The following ZNF512 variants were observed in gnomAD, a reference collection of about 807,000 sequenced individuals.
The protein encoded by ZNF512 is zinc finger protein 512.
Under a neutral mutation model 77.5 loss-of-function variants are expected in ZNF512, and 25 were observed. The observed-to-expected ratio is 0.32, with a 90% CI of 0.23 to 0.45. ZNF512 has a LOEUF of 0.45. ZNF512 is among the 20% of genes least tolerant of loss of function. The pLI, the probability that ZNF512 is intolerant of heterozygous loss-of-function variation, is 1.00. For missense variants in ZNF512, 483 were observed against 692.6 expected, an observed-to-expected ratio of 0.70 and a Z score of 3.40; for synonymous variants, 246 against 239.9, an observed-to-expected ratio of 1.03 and a Z score of -0.24.
intron 7 of ZNF512, 134 bp downstream of exon 7, chr2:27,601,576 C>T (rs1050184354): frequency 3.0e-5 from 21 of 692,796 alleles, no homozygotes; most frequent in African/African-American, 2.5e-4. Flanking sequence ...CTGGTTCAAG[C>T]GATTCTCGTG....
intron 2 of ZNF512, among the ~76,000 whole-genome samples, chr2:27,587,799 C>T (rs1268561807): frequency 2.0e-5 from 3 of 151,776 alleles, no homozygotes; most frequent in Non-Finnish European, 4.4e-5. Flanking sequence ...CTTCTGCTCA[C>T]CCTCCGGAGT....
At chr2:27,608,518 C>G (rs1221971543) in intron 10 of ZNF512, among the ~76,000 whole-genome samples, 1 of 151,972 alleles carries the variant, frequency 6.6e-6, no homozygotes, top group African/African-American at 2.4e-5. Context: ...ACTTGGCCTT[C>G]TTCTTCTTGA....
intron 9 of ZNF512, among the ~76,000 whole-genome samples, chr2:27,607,096 T>C (rs1330278540): frequency 6.6e-6 from 1 of 152,138 alleles, no homozygotes; most frequent in Non-Finnish European, 1.5e-5. Context: ...TTATAGACTT[T>C]TATCACATTT....
At chr2:27,599,917 T>C in intron 4 of ZNF512, 53 bp from the exon 5 acceptor site, 3 of 1,593,832 alleles carry the variant, frequency 1.9e-6, no homozygotes, top group Non-Finnish European at 2.6e-6. Context: ...GGGAAGAGAT[T>C]TTGGTATTAG....
At chr2:27,605,979 TCAA>T (rs1180898402) in intron 9 of ZNF512, among the ~76,000 whole-genome samples, 1 of 152,212 alleles carries the variant, frequency 6.6e-6, no homozygotes, top group East Asian at 1.9e-4. Flanking sequence ...TTTATTATTA[TCAA>T]TTTTATTTTT....
At position 27,621,566 on chromosome 2, in the gene ZNF512, G is replaced by A; in HGVS notation, c.*105G>A. 1 of 1,246,914 alleles carries A rather than the reference G, an allele frequency of 8.0e-7. No individual in the cohort carries two copies. 77.2% of individuals were successfully genotyped at this position (1,246,914 alleles called of 1,614,324 possible). ...AGATTCTTTCAGCTGTTTGTGTAAG[G>A]CTGTGACTTTCTCAGCTCCTTCCTC... On this transcript the variant is annotated 3_prime_UTR_variant, in exon 14 of 14. Transcript: ENST00000355467.
intron 8 of ZNF512, among the ~76,000 whole-genome samples, chr2:27,602,786 T>C (rs1672178312): frequency 1.3e-5 from 2 of 152,126 alleles, no homozygotes; most frequent in Admixed American, 6.5e-5. Context: ...TTTTTTAATG[T>C]GATGAAGAGG....
At chr2:27,603,825 T>C (rs1237619144) in intron 9 of ZNF512, among the ~76,000 whole-genome samples, 1 of 151,896 alleles carries the variant, frequency 6.6e-6, no homozygotes, top group African/African-American at 2.4e-5. Flanking sequence ...CGCAAACTCC[T>C]GGCCTCAAGT....
intron 10 of ZNF512, among the ~76,000 whole-genome samples, chr2:27,614,230 A>G (rs1369077542): frequency 1.3e-5 from 2 of 152,082 alleles, no homozygotes; most frequent in Non-Finnish European, 2.9e-5. Flanking sequence ...AAATATAGCT[A>G]TTTACCCATG....
chr2:27,615,046 T>G (rs1164449611), intron 10 of ZNF512, 122 bp from the exon 11 acceptor site: 4 of 600,084 alleles, frequency 6.7e-6, no homozygotes, highest in Non-Finnish European at 1.2e-5. Context: ...TCTTACAGTT[T>G]TTTTGTGTAC....
intron 13 of ZNF512, among the ~76,000 whole-genome samples, chr2:27,620,931 T>G (rs1353679715): frequency 6.6e-6 from 1 of 152,196 alleles, no homozygotes; most frequent in African/African-American, 2.4e-5. Context: ...GATCATTTAT[T>G]AAAGTCCCTA....
rs1672933826 is a variant in ZNF512, at chr2:27,617,477, A to G, written c.1301A>G (p.Asn434Ser). 1.4e-6 allele frequency: 2 copies of G among 1,393,312 alleles called. No individual in the cohort carries two copies. Among genetic ancestry groups the G allele is most frequent in the Non-Finnish European group, 2.0e-6 (2 of 978,362 alleles). The allele number at this position is 1,393,312 out of a possible 1,614,324, so 86.3% of individuals were successfully genotyped here. ...TTGTTTCTCTCTTGGAAATAGGGAA[A>G]CTTTGTGGCTGGAAAATACAAATGT... is the stretch of plus-strand genomic sequence containing the variant. ...KAHLGSCTLG[N>S]FVAGKYKCLL... Residue 434 changes from asparagine (N) to serine (S), a missense_variant, in exon 13 of 14, where the codon AAC (asparagine) becomes AGC (serine). Coordinates refer to ENST00000355467, the MANE Select transcript of ZNF512 (RefSeq NM_032434.4).
At chr2:27,600,133 G>C (rs1292422015) in intron 5 of ZNF512, 80 bp downstream of exon 5, 2 of 1,461,700 alleles carry the variant, frequency 1.4e-6, no homozygotes, top group Admixed American at 3.8e-5. Context: ...GAAGGAATGA[G>C]GTACTAAAGC....
At chr2:27,602,419 C>G (rs372087826) in intron 7 of ZNF512, 44 bp from the exon 8 acceptor site, 2 of 1,581,522 alleles carry the variant, frequency 1.3e-6, no homozygotes, top group South Asian at 2.3e-5. Context: ...TGTGTCTTAT[C>G]TTTTCCATGA....
At chr2:27,598,798 A>G (rs1195874460) in intron 3 of ZNF512, among the ~76,000 whole-genome samples, 1 of 151,720 alleles carries the variant, frequency 6.6e-6, no homozygotes, top group African/African-American at 2.4e-5. Context: ...TTAGCATTTG[A>G]TTTTCCTCTT....
chr2:27,619,948 C>G (rs1199542132), intron 13 of ZNF512, among the ~76,000 whole-genome samples: 1 of 151,980 alleles, frequency 6.6e-6, no homozygotes, highest in Non-Finnish European at 1.5e-5. Flanking sequence ...TTAAATTTCC[C>G]TGATTATCTT....
rs1346346581 is a variant in ZNF512, at chr2:27,621,172, C to G, written c.1415C>G (p.Pro472Arg). The G allele has an allele frequency of 6.2e-7, 1 of 1,613,646 alleles. No homozygotes were observed. The highest frequency in any genetic ancestry group is 2.2e-5 in the East Asian group (1 of 44,890). ...VHAEDWFVVN[P>R]TTTKSFEKLM... ...CTCTAGGACTGGTTCGTTGTAAACC[C>G]AACAACAACCAAAAGCTTTGAAAAG... is the stretch of plus-strand genomic sequence containing the variant. Residue 472 changes from proline to arginine, a missense_variant, in exon 14 of 14, where the codon CCA becomes CGA. By Grantham distance (103) the Pro-to-Arg change is moderately radical. This residue lies in a region of ZNF512 where 324 missense variants were observed against 525.0 expected (regional missense o/e 0.62). Coordinates refer to ENST00000355467, the MANE Select transcript of ZNF512 (RefSeq NM_032434.4).
intron 5 of ZNF512, among the ~76,000 whole-genome samples, chr2:27,600,361 A>G (rs184515802): frequency 6.6e-6 from 1 of 152,374 alleles, no homozygotes; most frequent in Admixed American, 6.5e-5. Flanking sequence ...GCACATAAGA[A>G]TCACTCAGCA....
chr2:27,592,741 A>C lies in ZNF512; in HGVS notation c.90-5326A>C, dbSNP rs574797224. On this transcript the variant is annotated intron_variant, in intron 2 of 13. Transcript: ENST00000355467. Reference sequence around the variant, plus strand: ...CTCTTGTTGCCCAGGCTGGAGTGCAAATGGCGCGATCTTGGCTCACCACAA... The same window carrying C: ...CTCTTGTTGCCCAGGCTGGAGTGCACATGGCGCGATCTTGGCTCACCACAA... Among the ~76,000 whole-genome samples the C allele has an allele frequency of 3.0e-5, 4 of 134,008 alleles. No homozygotes were observed. In the South Asian group the frequency reaches 9.2e-4, roughly 31 times the overall value. 87.9% of individuals were successfully genotyped at this position (134,008 alleles called of 152,430 possible).
Sources: allele counts gnomAD v4.1 joint callset (sites outside exome capture counted in the v4.1 genomes callset), GRCh38; gene constraint gnomAD v4.1.1; regional missense constraint gnomAD v4.1.1; transcripts MANE v1.5; gene names NCBI Gene and HGNC (gene_info 2026-07-23, HGNC 2026-07-21).